MON1B: variants seen among roughly 807,000 people sequenced by gnomAD.
MON1B encodes the protein vacuolar fusion protein MON1 homolog B.
Under a neutral mutation model 45.1 loss-of-function variants are expected in MON1B, and 26 were observed. The observed-to-expected ratio is 0.58, with a 90% CI of 0.42 to 0.80. MON1B has a LOEUF of 0.80. MON1B is among the 30% of genes least tolerant of loss of function. The pLI is 0.00. For missense variants in MON1B, 737 were observed against 754.5 expected, an observed-to-expected ratio of 0.98 and a Z score of 0.27; for synonymous variants, 395 against 320.2, an observed-to-expected ratio of 1.23 and a Z score of -2.49.
chr16:77,200,274 G>GTATATATATATATATATATATATATA lies in MON1B; in HGVS notation c.*1984_*1985insTATATATATATATATATATATATATA, dbSNP rs1229854135. The GTATATATATATATATATATATATATA allele has an allele frequency of 1.8e-5, 2 of 113,582 alleles. No homozygotes were observed. Among genetic ancestry groups the GTATATATATATATATATATATATATA allele is most frequent in the African/African-American group, 7.0e-5 (2 of 28,582 alleles). 7.0% of individuals were successfully genotyped at this position (113,582 alleles called of 1,614,324 possible). A position where few individuals can be genotyped will look rare whatever the true frequency, so the allele number is the denominator to read the frequency against. On this transcript the variant is annotated 3_prime_UTR_variant, in exon 6 of 6. Transcript: ENST00000248248. The stretch of plus-strand genomic sequence containing the variant: ...TATATGTGTATATATATATATATGT[G>GTATATATATATATATATATATATATA]TATATATATATATATATACACACAC...
intron 5 of MON1B, 109 bp downstream of exon 5, chr16:77,195,791 G>C: frequency 7.3e-7 from 1 of 1,373,932 alleles, no homozygotes; most frequent in Non-Finnish European, 1.0e-6. Context: ...CAGGCCTCTG[G>C]CTGGGCTGTG....
intron 5 of MON1B, among the ~76,000 whole-genome samples, chr16:77,197,415 C>A (rs1023599755): frequency 6.6e-6 from 1 of 152,116 alleles, no homozygotes; most frequent in Non-Finnish European, 1.5e-5. Flanking sequence ...AAAACAAAAA[C>A]AAACAAAATA....
Position 77,199,391 on chromosome 16 carries a change from A to G in MON1B, c.*1083A>G. ...GCGTGCTGAAAAGCCTTTCACCCTCACGTGGTTTCTTTTTTAACCAGTCAT... is the reference window on the plus strand; with the variant it reads ...GCGTGCTGAAAAGCCTTTCACCCTCGCGTGGTTTCTTTTTTAACCAGTCAT... On this transcript the variant is annotated 3_prime_UTR_variant, in exon 6 of 6. Coordinates refer to ENST00000248248, the MANE Select transcript of MON1B (RefSeq NM_014940.4). The G allele has an allele frequency of 6.6e-7, 1 of 1,511,916 alleles. No homozygotes were observed. The highest frequency in any genetic ancestry group is 9.0e-7 in the Non-Finnish European group (1 of 1,113,090). 93.7% of individuals were successfully genotyped at this position (1,511,916 alleles called of 1,614,324 possible).
intron 1 of MON1B, 69 bp from the exon 2 acceptor site, chr16:77,191,407 C>T (rs1359816739): frequency 6.3e-7 from 1 of 1,578,390 alleles, no homozygotes; most frequent in Non-Finnish European, 8.6e-7. Context: ...TCCAAGGGGG[C>T]CTGACTCTAT....
In MON1B at chr16:77,198,587, T is replaced by G; in HGVS notation, c.*279T>G. 1.9e-5 allele frequency: 9 copies of G among 472,274 alleles called. No individual in the cohort carries two copies. The highest frequency in any genetic ancestry group is 4.1e-5 in the East Asian group (1 of 24,488). 29.3% of individuals were successfully genotyped at this position (472,274 alleles called of 1,614,324 possible). A position where few individuals can be genotyped will look rare whatever the true frequency, so the allele number is the denominator to read the frequency against. ...CATCTCCTCCACTTGGATGATGCTC[T>G]AGCCTCTGTCAGGGACTGTCCCCTC... On this transcript the variant is annotated 3_prime_UTR_variant, in exon 6 of 6. Transcript: ENST00000248248.
At position 77,199,503 on chromosome 16, in the gene MON1B, G is replaced by C; in HGVS notation, c.*1195G>C. On this transcript the variant is annotated 3_prime_UTR_variant, in exon 6 of 6. Transcript: ENST00000248248. ...TGTGGAGGCGCCAGAAGCTACTGAGGAGGCTGAAGGTAGTGAGGGCAAGTG... is the reference window on the plus strand; with the variant it reads ...TGTGGAGGCGCCAGAAGCTACTGAGCAGGCTGAAGGTAGTGAGGGCAAGTG... 2 of 1,551,496 alleles carry C rather than the reference G, an allele frequency of 1.3e-6. No individual in the cohort carries two copies. The highest frequency in any genetic ancestry group is 2.4e-5 in the South Asian group (2 of 84,054).
rs538635291 is a variant in MON1B, at chr16:77,192,805, G to T, written c.149-646G>T. Among the ~76,000 whole-genome samples the T allele has an allele frequency of 9.2e-5, 14 of 152,192 alleles. No homozygotes were observed. The South Asian group carries it at 2.7e-3, about 29-fold the overall frequency. On this transcript the variant is annotated intron_variant, in intron 2 of 5. Transcript: ENST00000248248. ...ATTGTTAATGTGGGGTCATTGGGGT[G>T]TTTGTGAACCACAGTGGGAGTGAAT...
chr16:77,193,348 T>C lies in MON1B; in HGVS notation c.149-103T>C. The C allele has an allele frequency of 4.3e-6, 5 of 1,158,166 alleles. No homozygotes were observed. Among genetic ancestry groups the C allele is most frequent in the Non-Finnish European group, 6.1e-6 (5 of 819,136 alleles). The allele number at this position is 1,158,166 out of a possible 1,614,324, so 71.7% of individuals were successfully genotyped here. A position where few individuals can be genotyped will look rare whatever the true frequency, so the allele number is the denominator to read the frequency against. On this transcript the variant is annotated intron_variant, in intron 2 of 5. Coordinates refer to ENST00000248248, the MANE Select transcript of MON1B (RefSeq NM_014940.4). The surrounding 1 kb of genome is among the most constrained non-coding windows in gnomAD (Gnocchi z 5.0). ...AGACACTTGGAGTTCTGCGTCAGCA[T>C]GCAGGGGTCATGGAGGGGCTAGTAG...
intron 2 of MON1B, among the ~76,000 whole-genome samples, chr16:77,192,907 A>G (rs773669803): frequency 2.6e-5 from 4 of 152,102 alleles, no homozygotes; most frequent in Non-Finnish European, 5.9e-5. Context: ...AGTGGACATT[A>G]CCAAGAATAT....
chr16:77,196,390 T>C (rs1169174170), intron 5 of MON1B, among the ~76,000 whole-genome samples: 3 of 152,212 alleles, frequency 2.0e-5, no homozygotes, highest in African/African-American at 7.2e-5. Flanking sequence ...TAAAGAGTTA[T>C]AAAGGGCGTG....
chr16:77,194,118 T>C lies in MON1B; in HGVS notation c.476-217T>C. The C allele has an allele frequency of 4.7e-6, 3 of 632,570 alleles. No individual in the cohort carries two copies. Among genetic ancestry groups the C allele is most frequent in the Non-Finnish European group, 8.5e-6 (3 of 354,096 alleles). 39.2% of individuals were successfully genotyped at this position (632,570 alleles called of 1,614,324 possible). A position where few individuals can be genotyped will look rare whatever the true frequency, so the allele number is the denominator to read the frequency against. On this transcript the variant is annotated intron_variant, in intron 3 of 5. Transcript: ENST00000248248. The surrounding 1 kb of genome is among the most constrained non-coding windows in gnomAD (Gnocchi z 8.1). ...CCGCCTGCCCGTGGTCTTTGCTGTG[T>C]ATCTAACCTACTTGTTCCTTTGTCC...
chr16:77,193,935 G>A lies in MON1B; in HGVS notation c.475+158G>A. On this transcript the variant is annotated intron_variant, in intron 3 of 5. Coordinates refer to ENST00000248248, the MANE Select transcript of MON1B (RefSeq NM_014940.4). This position sits in a 1 kb window ranked among gnomAD's most constrained non-coding sequence, Gnocchi z 5.0. ...TCTGTCAGTGGCGGGAGGTGGGGGG[G>A]TTCATCTCTGTCTGGCCTGCTGGTT... The A allele has an allele frequency of 1.4e-6, 1 of 698,580 alleles. No individual in the cohort carries two copies. Among genetic ancestry groups the A allele is most frequent in the South Asian group, 1.9e-5 (1 of 52,492 alleles). 43.3% of individuals were successfully genotyped at this position (698,580 alleles called of 1,614,324 possible). A position where few individuals can be genotyped will look rare whatever the true frequency, so the allele number is the denominator to read the frequency against.
chr16:77,194,080 G>C lies in MON1B; in HGVS notation c.476-255G>C. The C allele has an allele frequency of 1.7e-6, 1 of 603,354 alleles. No individual in the cohort carries two copies. Among genetic ancestry groups the C allele is most frequent in the Non-Finnish European group, 2.9e-6 (1 of 339,034 alleles). 37.4% of individuals were successfully genotyped at this position (603,354 alleles called of 1,614,324 possible). ...TCTTTCTGGCTCTGTGTCAGCCCTT[G>C]TACCATCTCTACCCGCCTGCCCGTG... On this transcript the variant is annotated intron_variant, in intron 3 of 5. Coordinates refer to ENST00000248248, the MANE Select transcript of MON1B (RefSeq NM_014940.4). This position sits in a 1 kb window ranked among gnomAD's most constrained non-coding sequence, Gnocchi z 8.1.
chr16:77,194,311 C>A lies in MON1B; in HGVS notation c.476-24C>A, dbSNP rs200320121. 81 of 1,588,440 alleles carry A rather than the reference C, an allele frequency of 5.1e-5. No individual in the cohort carries two copies. In the Middle Eastern group the frequency reaches 1.2e-3, roughly 23 times the overall value. On this transcript the variant is annotated intron_variant, in intron 3 of 5. Coordinates refer to ENST00000248248, the MANE Select transcript of MON1B (RefSeq NM_014940.4). The surrounding 1 kb of genome is among the most constrained non-coding windows in gnomAD (Gnocchi z 8.1). Reference sequence around the variant, plus strand: ...TCATTCCTGATCCAGCTGTACCCCCCCTTCTTACCCCTTCCTTCCCTAGAG... The same window carrying A: ...TCATTCCTGATCCAGCTGTACCCCCACTTCTTACCCCTTCCTTCCCTAGAG...
At chr16:77,196,140 C>T (rs573816492) in intron 5 of MON1B, among the ~76,000 whole-genome samples, 1 of 152,232 alleles carries the variant, frequency 6.6e-6, no homozygotes, top group South Asian at 2.1e-4. Context: ...TGGGCTCCAG[C>T]CCTCACTTCC....
At chr16:77,191,449 G>A (rs1427163641) in intron 1 of MON1B, 27 bp from the exon 2 acceptor site, 1 of 1,581,056 alleles carries the variant, frequency 6.3e-7, no homozygotes, top group Admixed American at 1.9e-5. Flanking sequence ...TTCACCGCCC[G>A]TCACCCTCGA....
In MON1B at chr16:77,199,833, A is replaced by C; in HGVS notation, c.*1525A>C. The C allele has an allele frequency of 4.3e-6, 1 of 233,606 alleles. No individual in the cohort carries two copies. Among genetic ancestry groups the C allele is most frequent in the Non-Finnish European group, 8.3e-6 (1 of 120,792 alleles). 14.5% of individuals were successfully genotyped at this position (233,606 alleles called of 1,614,324 possible). On this transcript the variant is annotated 3_prime_UTR_variant, in exon 6 of 6. Coordinates refer to ENST00000248248, the MANE Select transcript of MON1B (RefSeq NM_014940.4). Reference sequence around the variant, plus strand: ...GTTCTCATAACAATCACCGTGCTGCAGCCACCCCTTATTAACAGTAATTCC... The same window carrying C: ...GTTCTCATAACAATCACCGTGCTGCCGCCACCCCTTATTAACAGTAATTCC...
At position 77,202,155 on chromosome 16, in the gene MON1B, T is replaced by G. The variant is rs1016724321; in HGVS notation, c.*3847T>G. On this transcript the variant is annotated 3_prime_UTR_variant, in exon 6 of 6. Coordinates refer to ENST00000248248, the MANE Select transcript of MON1B (RefSeq NM_014940.4). ...GGCACCTGAGGATCCTATATTCATA[T>G]TGGATCAGTATTAACATCCAGGTTT... 7 of 152,226 alleles carry G rather than the reference T, an allele frequency of 4.6e-5. No homozygotes were observed. Among genetic ancestry groups the G allele is most frequent in the Non-Finnish European group, 1.0e-4 (7 of 68,030 alleles). 9.4% of individuals were successfully genotyped at this position (152,226 alleles called of 1,614,324 possible). A position where few individuals can be genotyped will look rare whatever the true frequency, so the allele number is the denominator to read the frequency against.
chr16:77,197,655 G>A (rs372209755), intron 5 of MON1B, among the ~76,000 whole-genome samples: 2 of 152,142 alleles, frequency 1.3e-5, no homozygotes, highest in Non-Finnish European at 2.9e-5. Context: ...GGAGCGCTCT[G>A]GGAGGTGGCA....
Sources: allele counts gnomAD v4.1 joint callset (sites outside exome capture counted in the v4.1 genomes callset), GRCh38; gene constraint gnomAD v4.1.1; non-coding constraint Gnocchi (gnomAD v3.1); transcripts MANE v1.5; gene names NCBI Gene and HGNC (gene_info 2026-07-23, HGNC 2026-07-21).